CD38: variants seen among roughly 807,000 people sequenced by gnomAD.
The protein encoded by CD38 is CD38 molecule.
In CD38, 31 loss-of-function variants were observed where a neutral mutation model predicts 36.3. The observed-to-expected ratio is 0.85, with a 90% CI of 0.64 to 1.15. The LOEUF is 1.15. CD38 is among the 50% of genes most tolerant of loss of function. The pLI is 0.00. For missense variants in CD38, 380 were observed against 371.9 expected (o/e 1.02, Z -0.18); for synonymous variants, 131 against 135.2 (o/e 0.97, Z 0.22).
At chr4:15,814,181 C>T (rs1036306491) in intron 1 of CD38, among the ~76,000 whole-genome samples, 1 of 152,214 alleles carries the variant, frequency 6.6e-6, no homozygotes, top group Non-Finnish European at 1.5e-5. Flanking sequence ...TTTTGATTTG[C>T]ATTTCTCTAA....
In CD38 at chr4:15,805,100, T is replaced by G. The variant is rs190698913; in HGVS notation, c.234-11411T>G. ...TAGTTTTTTTGATCTTATTATTGAC[T>G]CGTAGGAAGCTTATATATTCTGAAA... On this transcript the variant is annotated intron_variant, in intron 1 of 7. Transcript: ENST00000226279. Among the ~76,000 whole-genome samples, 27 of 152,336 alleles carry G rather than the reference T, an allele frequency of 1.8e-4. No homozygotes were observed. In the East Asian group the frequency reaches 4.4e-3, roughly 25 times the overall value.
intron 1 of CD38, among the ~76,000 whole-genome samples, chr4:15,810,440 A>G (rs997639886): frequency 1.3e-5 from 2 of 152,202 alleles, no homozygotes; most frequent in Non-Finnish European, 2.9e-5. Context: ...AAGATGTAGA[A>G]GAGTTTTACA....
chr4:15,792,381 G>A (rs1465129973), intron 1 of CD38, among the ~76,000 whole-genome samples: 4 of 120,284 alleles, frequency 3.3e-5, no homozygotes, highest in African/African-American at 1.2e-4. Flanking sequence ...CTATGACCCT[G>A]CCAAATCCCC....
chr4:15,814,877 G>A (rs921328370), intron 1 of CD38, among the ~76,000 whole-genome samples: 2 of 151,754 alleles, frequency 1.3e-5, no homozygotes, highest in Non-Finnish European at 2.9e-5. Flanking sequence ...CACGATCTCG[G>A]CTCACTGCAA....
chr4:15,809,751 G>A (rs181397745), intron 1 of CD38, among the ~76,000 whole-genome samples: 50 of 152,240 alleles, frequency 3.3e-4, no homozygotes, highest in African/African-American at 1.2e-3. Flanking sequence ...GTCTCCTGAT[G>A]AAGACTTCCA....
chr4:15,825,555 A>G (rs1464155299), intron 3 of CD38: 1 of 152,556 alleles, frequency 6.6e-6, no homozygotes, highest in Non-Finnish European at 1.5e-5. Context: ...TTAAATATCC[A>G]AACTATAGCA....
At chr4:15,836,723 GT>G (rs1724075987) in intron 4 of CD38, among the ~76,000 whole-genome samples, 1 of 152,130 alleles carries the variant, frequency 6.6e-6, no homozygotes, top group Non-Finnish European at 1.5e-5. Context: ...TAAATGACAG[GT>G]TTGATCTTAA....
intron 7 of CD38, among the ~76,000 whole-genome samples, chr4:15,847,952 A>G (rs1724299233): frequency 6.6e-6 from 1 of 152,164 alleles, no homozygotes; most frequent in Admixed American, 6.5e-5. Flanking sequence ...GTGACACATC[A>G]CAAGGGCAGG....
chr4:15,788,534 C>T (rs1223671412), intron 1 of CD38, among the ~76,000 whole-genome samples: 1 of 151,954 alleles, frequency 6.6e-6, no homozygotes, highest in Non-Finnish European at 1.5e-5. Context: ...GAGTCAAGGT[C>T]CTGGGGCTGC....
rs531601389 is a variant in CD38, at chr4:15,852,191, G to C, written c.*3589G>C. The C allele has an allele frequency of 6.6e-6, 1 of 152,332 alleles. No individual in the cohort carries two copies. The highest frequency in any genetic ancestry group is 2.1e-4 in the South Asian group (1 of 4,830). The allele number at this position is 152,332 out of a possible 1,614,324, so 9.4% of individuals were successfully genotyped here. On this transcript the variant is annotated 3_prime_UTR_variant, in exon 8 of 8. Coordinates refer to ENST00000226279, the MANE Select transcript of CD38 (RefSeq NM_001775.4). ...CACCATTTGTGTCAACGTGTTTAGT[G>C]CCATGTCCACGTCTCTCATGTAACT...
Position 15,802,709 on chromosome 4 carries a change from A to G in CD38, c.234-13802A>G, listed in dbSNP as rs530533331. 6.9e-4 allele frequency among the ~76,000 whole-genome samples: 105 copies of G among 152,040 alleles called. No homozygotes were observed. The Middle Eastern group carries it at 0.01, about 15-fold the overall frequency. ...GTAGCTAGAATTACAGACATGCACT[A>G]CCATGCCCTATTTTTAGTAGAGATA... On this transcript the variant is annotated intron_variant, in intron 1 of 7. Coordinates refer to ENST00000226279, the MANE Select transcript of CD38 (RefSeq NM_001775.4).
chr4:15,840,386 A>C lies in CD38; in HGVS notation c.753-66A>C, dbSNP rs909422769. The C allele has an allele frequency of 6.2e-6, 7 of 1,121,590 alleles. No individual in the cohort carries two copies. In the African/African-American group the frequency reaches 7.8e-5, roughly 13 times the overall value. 69.5% of individuals were successfully genotyped at this position (1,121,590 alleles called of 1,614,324 possible). A position where few individuals can be genotyped will look rare whatever the true frequency, so the allele number is the denominator to read the frequency against. ...GGCCTTGTCCAGGGCGTGCTACAAA[A>C]ACAAAGAGACTCCAAAAATGTTTGT... On this transcript the variant is annotated intron_variant, in intron 6 of 7. Transcript: ENST00000226279.
At chr4:15,814,414 T>G (rs1040209457) in intron 1 of CD38, among the ~76,000 whole-genome samples, 1 of 152,262 alleles carries the variant, frequency 6.6e-6, no homozygotes, top group African/African-American at 2.4e-5. Context: ...GATGGTAGTT[T>G]CTTTTGGTGT....
At chr4:15,783,283 G>A (rs558853846) in intron 1 of CD38, among the ~76,000 whole-genome samples, 1 of 152,334 alleles carries the variant, frequency 6.6e-6, no homozygotes, top group African/African-American at 2.4e-5. Flanking sequence ...AGGAGGGAAT[G>A]GAGAGCCAGC....
intron 4 of CD38, among the ~76,000 whole-genome samples, chr4:15,835,233 A>G (rs532432252): frequency 1.3e-5 from 2 of 152,136 alleles, no homozygotes; most frequent in Middle Eastern, 6.8e-3. Context: ...TTTTACTTCC[A>G]TAAGATCAAC....
chr4:15,814,937 G>A (rs2148921839), intron 1 of CD38, among the ~76,000 whole-genome samples: 1 of 152,104 alleles, frequency 6.6e-6, no homozygotes, highest in South Asian at 2.1e-4. Flanking sequence ...CTCCTGAGTA[G>A]CTGGGATTAC....
At chr4:15,833,684 GAGA>G in intron 3 of CD38, among the ~76,000 whole-genome samples, 1 of 152,300 alleles carries the variant, frequency 6.6e-6, no homozygotes, top group East Asian at 1.9e-4. Context: ...ATATCCTTGG[GAGA>G]AGTGACACAG....
intron 1 of CD38, among the ~76,000 whole-genome samples, chr4:15,803,346 C>T (rs1723269136): frequency 1.3e-5 from 2 of 152,166 alleles, no homozygotes; most frequent in South Asian, 2.1e-4. Context: ...ATGTGACAAA[C>T]TACAGAATGG....
intron 4 of CD38, 81 bp downstream of exon 4, chr4:15,834,383 A>C (rs1447181555): frequency 2.4e-6 from 2 of 828,600 alleles, no homozygotes; most frequent in East Asian, 4.9e-5. Flanking sequence ...TGGTTTTAAC[A>C]CTTTTGGATT....
Sources: gnomAD v4.1 joint callset for allele counts (sites outside exome capture counted in the v4.1 genomes callset) on GRCh38, gnomAD v4.1.1 for gene constraint, MANE v1.5 for transcripts, NCBI Gene and HGNC (gene_info 2026-07-23, HGNC 2026-07-21) for gene names.